The following DLGAP2 variants were observed in gnomAD, a reference collection of about 807,000 sequenced individuals.
DLGAP2 encodes DLG associated protein 2, also known as disks large-associated protein 2.
DLGAP2 carries 26 observed loss-of-function variants against 100.3 expected under a neutral mutation model. That is an observed-to-expected ratio of 0.26 (90% CI 0.19 to 0.36). The LOEUF is 0.36. DLGAP2 is among the 10% of genes least tolerant of loss of function. The probability of loss-of-function intolerance (pLI) is 1.00; values close to 1 mark genes in which losing one functional copy is unlikely to be tolerated. For missense variants in DLGAP2, 1,858 were observed against 1,453.2 expected (o/e 1.28, Z -4.53); for synonymous variants, 886 against 630.1 (o/e 1.41, Z -6.08).
intron 1 of DLGAP2, among the ~76,000 whole-genome samples, chr8:839,109 A>C (rs1796935022): frequency 6.6e-6 from 1 of 152,192 alleles, no homozygotes; most frequent in African/African-American, 2.4e-5. Flanking sequence ...GAGGGGGAGA[A>C]AAGGGAACCC....
intron 3 of DLGAP2, among the ~76,000 whole-genome samples, chr8:1,261,482 T>C (rs891821826): frequency 2.1e-5 from 3 of 143,782 alleles, no homozygotes; most frequent in Admixed American, 7.1e-5. Flanking sequence ...AGACAGACTG[T>C]ACTCCAAATA....
intron 3 of DLGAP2, among the ~76,000 whole-genome samples, chr8:1,444,348 A>G (rs960169267): frequency 6.6e-6 from 1 of 152,222 alleles, no homozygotes; most frequent in African/African-American, 2.4e-5. Context: ...TTAACTGTTA[A>G]CAACACTACC....
At chr8:1,176,439 C>G (rs926597160) in intron 2 of DLGAP2, among the ~76,000 whole-genome samples, 7 of 152,204 alleles carry the variant, frequency 4.6e-5, no homozygotes, top group Non-Finnish European at 8.8e-5. Context: ...GGTGTTTGTT[C>G]TGAGTATTTA....
chr8:1,640,352 C>T (rs1345633531), intron 8 of DLGAP2, among the ~76,000 whole-genome samples: 2 of 131,030 alleles, frequency 1.5e-5, no homozygotes, highest in African/African-American at 3.2e-5. Context: ...GCGTGCTGTC[C>T]CATGGGTCCT....
In DLGAP2 at chr8:1,455,944, C is replaced by A. The variant is rs527547715; in HGVS notation, c.107-45422C>A. Among the ~76,000 whole-genome samples the A allele has an allele frequency of 3.2e-3, 495 of 152,312 alleles. 1 individual carries two copies. The highest frequency in any genetic ancestry group is 6.8e-3 in the Middle Eastern group (2 of 294). On this transcript the variant is annotated intron_variant, in intron 3 of 14. Coordinates refer to ENST00000637795, the MANE Select transcript of DLGAP2 (RefSeq NM_001346810.2). ...CATGACTGAGAGGCTGGATCCGAGG[C>A]CCCCAGCATGTGGTCAGACCCATTA... is the stretch of plus-strand genomic sequence containing the variant.
chr8:1,566,309 G>T (rs1802398719), intron 6 of DLGAP2, among the ~76,000 whole-genome samples: 1 of 152,074 alleles, frequency 6.6e-6, no homozygotes, highest in African/African-American at 2.4e-5. Flanking sequence ...GCATTTCTAG[G>T]CAACACATTT....
rs530429865 is a variant in DLGAP2, at chr8:983,392, G to A, written c.73+75426G>A. On this transcript the variant is annotated intron_variant, in intron 2 of 14. Transcript: ENST00000637795. ...CACGTGTTGGTGGAAGGTACAGGTC[G>A]TCGAGATGTTCTTCTGTCCCTTAGA... Among the ~76,000 whole-genome samples the A allele has an allele frequency of 1.6e-3, 240 of 149,248 alleles. 2 individuals are homozygous for A. The highest frequency in any genetic ancestry group is 0.01 in the Middle Eastern group (3 of 286).
At chr8:816,999 G>A (rs1796493073) in intron 1 of DLGAP2, among the ~76,000 whole-genome samples, 1 of 152,106 alleles carries the variant, frequency 6.6e-6, no homozygotes, top group South Asian at 2.1e-4. Flanking sequence ...AAATTAGCCT[G>A]GCGCGGTGGT....
chr8:1,190,473 G>C (rs369117890), intron 2 of DLGAP2, among the ~76,000 whole-genome samples: 13 of 152,044 alleles, frequency 8.6e-5, no homozygotes, highest in African/African-American at 2.9e-4. Context: ...CTGACACTTG[G>C]TGCCGGGCAA....
chr8:1,174,020 G>C (rs562453859), intron 2 of DLGAP2, among the ~76,000 whole-genome samples: 2 of 152,186 alleles, frequency 1.3e-5, no homozygotes, highest in South Asian at 4.1e-4. Context: ...TGGCCATCTT[G>C]GCTCCTCCGC....
At chr8:822,828 G>T (rs1405185020) in intron 1 of DLGAP2, among the ~76,000 whole-genome samples, 1 of 152,142 alleles carries the variant, frequency 6.6e-6, no homozygotes, top group Non-Finnish European at 1.5e-5. Context: ...ACCACTGCTG[G>T]GTGCTTCAGG....
At chr8:926,980 G>C (rs1345382145) in intron 2 of DLGAP2, 5 of 980,066 alleles carry the variant, frequency 5.1e-6, no homozygotes, top group Non-Finnish European at 6.1e-6. Context: ...GGGAAGCCAG[G>C]AAAAGCCGGG....
chr8:1,478,074 C>G (rs1174376949), intron 3 of DLGAP2, among the ~76,000 whole-genome samples: 1 of 152,216 alleles, frequency 6.6e-6, no homozygotes, highest in African/African-American at 2.4e-5. Context: ...CACAGCATTT[C>G]TTTTCCCCAT....
At chr8:1,550,662 C>A (rs1002799862) in intron 5 of DLGAP2, among the ~76,000 whole-genome samples, 6 of 152,110 alleles carry the variant, frequency 3.9e-5, no homozygotes, top group African/African-American at 1.4e-4. Flanking sequence ...AATGAATTTA[C>A]CAAAGGCAAA....
At chr8:1,159,030 G>T (rs1392143555) in intron 2 of DLGAP2, among the ~76,000 whole-genome samples, 1 of 152,096 alleles carries the variant, frequency 6.6e-6, no homozygotes, top group East Asian at 1.9e-4. Context: ...ACACTTTCTT[G>T]TTAACCTCGA....
intron 1 of DLGAP2, among the ~76,000 whole-genome samples, chr8:857,836 C>T (rs1025681298): frequency 6.6e-6 from 1 of 151,966 alleles, no homozygotes; most frequent in African/African-American, 2.4e-5. Flanking sequence ...CACCCAGATA[C>T]TTGAAAACTT....
In DLGAP2 at chr8:1,291,587, C is replaced by A. The variant is rs192709520; in HGVS notation, c.106+32704C>A. The stretch of plus-strand genomic sequence containing the variant: ...CTAATCCGGGGTGATTCTGGGGAAG[C>A]CCCTGCCTACTCTTAGCATATCTCC... On this transcript the variant is annotated intron_variant, in intron 3 of 14. Coordinates refer to ENST00000637795, the MANE Select transcript of DLGAP2 (RefSeq NM_001346810.2). Among the ~76,000 whole-genome samples, 222 of 152,216 alleles carry A rather than the reference C, an allele frequency of 1.5e-3. 1 individual carries two copies. The highest frequency in any genetic ancestry group is 5.0e-3 in the African/African-American group (206 of 41,538).
intron 1 of DLGAP2, among the ~76,000 whole-genome samples, chr8:785,313 G>A (rs551511225): frequency 1.3e-5 from 2 of 149,730 alleles, no homozygotes; most frequent in South Asian, 2.1e-4. Context: ...AGCTCTGGGC[G>A]ATTCCCATGT....
chr8:926,928 G>A (rs1399927530), intron 2 of DLGAP2: 17 of 744,368 alleles, frequency 2.3e-5, no homozygotes, highest in Middle Eastern at 6.6e-4. Context: ...TCCCTGAGCC[G>A]GATTAAATGC....
Sources: gnomAD v4.1 joint callset for allele counts (sites outside exome capture counted in the v4.1 genomes callset) on GRCh38, gnomAD v4.1.1 for gene constraint, MANE v1.5 for transcripts, NCBI Gene and HGNC (gene_info 2026-07-23, HGNC 2026-07-21) for gene names.